HPSE2: variants seen among roughly 807,000 people sequenced by gnomAD.
HPSE2 encodes heparanase 2 (inactive), also known as inactive heparanase-2.
Under a neutral mutation model 60.5 loss-of-function variants are expected in HPSE2, and 38 were observed. The observed-to-expected ratio is 0.63, with a 90% confidence interval of 0.48 to 0.82. The LOEUF (loss-of-function observed/expected upper bound fraction) is 0.82. Among genes scored for constraint, HPSE2 ranks in the 40% least tolerant of loss-of-function variants. The probability of loss-of-function intolerance (pLI) is 0.00; values close to 1 mark genes in which losing one functional copy is unlikely to be tolerated. For missense variants in HPSE2, 713 were observed against 740.4 expected (o/e 0.96, Z 0.43); for synonymous variants, 295 against 293.2 (o/e 1.01, Z -0.06).
At chr10:99,305,979 G>GCACGCGCACACACACACACACACA in the HPSE2 span, among the ~76,000 whole-genome samples, 1 of 80,580 alleles carries the variant, frequency 1.2e-5, no homozygotes, top group African/African-American at 5.4e-5. Flanking sequence ...GCGCGCGCGC[G>GCACGCGCACACACACACACACACA]CACACACACA....
chr10:98,536,945 T>C (rs1232731590), intron 9 of HPSE2, among the ~76,000 whole-genome samples: 1 of 152,196 alleles, frequency 6.6e-6, no homozygotes, highest in East Asian at 1.9e-4. Context: ...TGCAAGTCTC[T>C]GTGGCCCATT....
chr10:98,492,491 G>C (rs1224229640), intron 9 of HPSE2, among the ~76,000 whole-genome samples: 1 of 119,874 alleles, frequency 8.3e-6, no homozygotes, highest in East Asian at 2.4e-4. Flanking sequence ...AACAGAACGA[G>C]ATTCCGTCTC....
chr10:98,963,923 A>G (rs968228967), intron 3 of HPSE2, among the ~76,000 whole-genome samples: 4 of 152,136 alleles, frequency 2.6e-5, no homozygotes, highest in Non-Finnish European at 4.4e-5. Flanking sequence ...AACACTGATT[A>G]CAGAACACAG....
At chr10:99,194,761 C>A (rs1213250579) in intron 2 of HPSE2, among the ~76,000 whole-genome samples, 3 of 151,820 alleles carry the variant, frequency 2.0e-5, no homozygotes, top group African/African-American at 7.3e-5. Flanking sequence ...AGTCTTCCAG[C>A]AAAGAAAAGC....
In HPSE2 at chr10:98,527,592, C is replaced by T. The variant is rs137873116; in HGVS notation, c.1321-37396G>A. The stretch of plus-strand genomic sequence containing the variant: ...CCTATCTTTACCTATTTAAAGTGGC[C>T]ACTTCCCCAGAATTCTCCAATCCCT... On this transcript the variant is annotated intron_variant, in intron 9 of 11. Transcript: ENST00000370552. 3.6e-4 allele frequency among the ~76,000 whole-genome samples: 55 copies of T among 152,298 alleles called. 1 individual carries two copies. In the East Asian group the frequency reaches 0.011, roughly 29 times the overall value.
chr10:98,909,578 C>T (rs538914566), intron 3 of HPSE2, among the ~76,000 whole-genome samples: 3 of 149,820 alleles, frequency 2.0e-5, no homozygotes, highest in Non-Finnish European at 3.0e-5. Flanking sequence ...TGCAGTGAGC[C>T]GAGATCGCGC....
chr10:98,638,508 A>G (rs1946559492), intron 7 of HPSE2, among the ~76,000 whole-genome samples: 1 of 151,892 alleles, frequency 6.6e-6, no homozygotes, highest in Non-Finnish European at 1.5e-5. Flanking sequence ...GGTTTGAGGA[A>G]CTTGCAAGAA....
chr10:99,240,238 T>A (rs1451316695), upstream of HPSE2, among the ~76,000 whole-genome samples: 1 of 151,978 alleles, frequency 6.6e-6, no homozygotes, highest in African/African-American at 2.4e-5. Flanking sequence ...CCCTATATTA[T>A]TATCATTTCA....
Position 99,125,193 on chromosome 10 carries a change from G to C in HPSE2, c.610+19045C>G, listed in dbSNP as rs77472829. On this transcript the variant is annotated intron_variant, in intron 3 of 11. Coordinates refer to ENST00000370552, the MANE Select transcript of HPSE2 (RefSeq NM_021828.5). Reference sequence around the variant, plus strand: ...TGATCCCTAATAAGGAAAGCTTTACGCTCCCAAACCTAAGAATCACTGCTC... The same window carrying C: ...TGATCCCTAATAAGGAAAGCTTTACCCTCCCAAACCTAAGAATCACTGCTC... 2.1e-3 allele frequency among the ~76,000 whole-genome samples: 312 copies of C among 152,190 alleles called. 2 individuals carry two copies. Among genetic ancestry groups the C allele is most frequent in the Non-Finnish European group, 3.5e-3 (238 of 68,008 alleles).
intron 7 of HPSE2, among the ~76,000 whole-genome samples, chr10:98,629,564 T>C (rs1471467480): frequency 6.6e-6 from 1 of 152,234 alleles, no homozygotes; most frequent in African/African-American, 2.4e-5. Flanking sequence ...GACTCTGTCC[T>C]CTTCTTCCTC....
At chr10:99,105,002 G>C (rs1427560545) in intron 3 of HPSE2, among the ~76,000 whole-genome samples, 2 of 150,328 alleles carry the variant, frequency 1.3e-5, no homozygotes, top group Non-Finnish European at 2.9e-5. Context: ...CATGGCACAT[G>C]TATACATATG....
chr10:98,479,101 G>A (rs1287150139), intron 11 of HPSE2, among the ~76,000 whole-genome samples: 1 of 152,154 alleles, frequency 6.6e-6, no homozygotes, highest in Non-Finnish European at 1.5e-5. Flanking sequence ...CCCAGGCCCA[G>A]TGGCAATTCT....
At chr10:99,279,233 ACTGATACCATGGAAAGTGATAG>A in the HPSE2 span, among the ~76,000 whole-genome samples, 1 of 152,228 alleles carries the variant, frequency 6.6e-6, no homozygotes, top group Admixed American at 6.5e-5. Flanking sequence ...ATTGCTCTTT[ACTGATACCATGGAAAGTGATAG>A]CACATAAATG....
chr10:99,112,131 G>A (rs1045049640), intron 3 of HPSE2, among the ~76,000 whole-genome samples: 6 of 152,180 alleles, frequency 3.9e-5, no homozygotes, highest in African/African-American at 9.7e-5. Context: ...GAATACATGC[G>A]AAGCAAATGG....
rs547435679 is a variant in HPSE2 at position 98,676,911 on chromosome 10, T to G, written c.1004+16989A>C. Reference sequence around the variant, plus strand: ...AAGTTGTCTTTTTCTTTCTGTTCCATTTTCTCTCTTTTTTTTTTTCAGCTA... The same window carrying G: ...AAGTTGTCTTTTTCTTTCTGTTCCAGTTTCTCTCTTTTTTTTTTTCAGCTA... On this transcript the variant is annotated intron_variant, in intron 6 of 11. Coordinates refer to ENST00000370552, the MANE Select transcript of HPSE2 (RefSeq NM_021828.5). Among the ~76,000 whole-genome samples the G allele has an allele frequency of 8.1e-3, 1,123 of 138,150 alleles. 17 individuals carry two copies. Among genetic ancestry groups the G allele is most frequent in the African/African-American group, 0.028 (1,041 of 37,724 alleles). 90.6% of individuals were successfully genotyped at this position (138,150 alleles called of 152,430 possible).
the HPSE2 span, among the ~76,000 whole-genome samples, chr10:99,264,088 T>C: frequency 1.3e-4 from 20 of 151,984 alleles, no homozygotes; most frequent in African/African-American, 2.7e-4. Context: ...CTTTTCTTTT[T>C]CTTTTTCTTT....
At chr10:98,919,124 T>C (rs998385353) in intron 3 of HPSE2, among the ~76,000 whole-genome samples, 6 of 152,186 alleles carry the variant, frequency 3.9e-5, no homozygotes, top group African/African-American at 7.2e-5. Flanking sequence ...CAATGCTGAC[T>C]AGAAATCAAG....
chr10:98,597,970 CA>C (rs571184082), intron 9 of HPSE2, among the ~76,000 whole-genome samples: 745 of 55,076 alleles, frequency 0.014, no homozygotes, highest in East Asian at 0.023. Flanking sequence ...GACTCCATCT[CA>C]AAAAAAAAAA....
chr10:98,482,184 C>A (rs1328722917), intron 11 of HPSE2, among the ~76,000 whole-genome samples: 1 of 151,924 alleles, frequency 6.6e-6, no homozygotes, highest in Non-Finnish European at 1.5e-5. Flanking sequence ...TCCTGTAAGC[C>A]CTGTGAGGTT....
Sources: allele counts gnomAD v4.1 joint callset (sites outside exome capture counted in the v4.1 genomes callset), GRCh38; gene constraint gnomAD v4.1.1; transcripts MANE v1.5; gene names NCBI Gene and HGNC (gene_info 2026-07-23, HGNC 2026-07-21).